PDE2A: variants seen among roughly 807,000 people sequenced by gnomAD.
PDE2A encodes the protein cGMP-dependent 3',5'-cyclic phosphodiesterase.
In PDE2A, 53 loss-of-function variants were observed where a neutral mutation model predicts 133.6. That is an observed-to-expected ratio of 0.40 (90% confidence interval 0.32 to 0.50). The LOEUF (loss-of-function observed/expected upper bound fraction) is 0.50, where lower values mean the gene tolerates loss of function less well. Ranked by LOEUF, PDE2A falls within the 20% of genes least tolerant of loss-of-function variation. PDE2A has a pLI of 0.73. For missense variants in PDE2A, 796 were observed against 1,232.4 expected (o/e 0.65, Z 5.30); for synonymous variants, 491 against 490.2 (o/e 1.00, Z -0.02).
chr11:72,601,078 G>A (rs1411629642), intron 4 of PDE2A, among the ~76,000 whole-genome samples: 2 of 141,814 alleles, frequency 1.4e-5, no homozygotes, highest in African/African-American at 5.4e-5. Context: ...GCATCAGTAA[G>A]CAGCCAAGCC....
chr11:72,659,655 G>C (rs1319977005), intron 1 of PDE2A, among the ~76,000 whole-genome samples: 1 of 152,110 alleles, frequency 6.6e-6, no homozygotes, highest in Non-Finnish European at 1.5e-5. Flanking sequence ...CTATAGAGTG[G>C]GGTTTATGGC....
In PDE2A at chr11:72,586,061, G is replaced by T; in HGVS notation, c.1182+9C>A. 1.3e-6 allele frequency: 2 copies of T among 1,536,552 alleles called. No homozygotes were observed. The highest frequency in any genetic ancestry group is 1.8e-6 in the Non-Finnish European group (2 of 1,114,496). ...GGTGCCCGAGAGAGGCTGAAGGCAG[G>T]TCACTCACCTGGCACTCACACTTGA... On this transcript the variant is annotated intron_variant, in intron 14 of 30. Transcript: ENST00000334456.
At chr11:72,666,098 T>C (rs1318600518) in intron 1 of PDE2A, among the ~76,000 whole-genome samples, 2 of 151,962 alleles carry the variant, frequency 1.3e-5, no homozygotes, top group Non-Finnish European at 2.9e-5. Context: ...TGGTAAAAAC[T>C]TCAAAGGCAG....
chr11:72,624,105 T>C (rs969665176), intron 2 of PDE2A, among the ~76,000 whole-genome samples: 4 of 151,780 alleles, frequency 2.6e-5, no homozygotes, highest in African/African-American at 9.7e-5. Context: ...GATTCTCCTG[T>C]CTCAACCTCC....
At chr11:72,608,162 AAAGGCTGCTAG>A (rs1857052429) in intron 3 of PDE2A, among the ~76,000 whole-genome samples, 1 of 152,096 alleles carries the variant, frequency 6.6e-6, no homozygotes, top group South Asian at 2.1e-4. Flanking sequence ...AAAGCTGCTA[AAAGGCTGCTAG>A]AGGCCATTTT....
chr11:72,668,953 C>A (rs1451852476), intron 1 of PDE2A: 1 of 1,004,162 alleles, frequency 1.0e-6, no homozygotes, highest in Non-Finnish European at 1.2e-6. Flanking sequence ...CCAGGCCCCG[C>A]TAAATCTTTC....
chr11:72,617,509 G>A (rs1857533943), intron 2 of PDE2A, among the ~76,000 whole-genome samples: 1 of 152,218 alleles, frequency 6.6e-6, no homozygotes, highest in Non-Finnish European at 1.5e-5. Context: ...TCTGTGCTCT[G>A]CGGCATGTGT....
intron 7 of PDE2A, 26 bp downstream of exon 7, chr11:72,591,271 T>C (rs1365701452): frequency 6.3e-7 from 1 of 1,596,970 alleles, no homozygotes; most frequent in Non-Finnish European, 8.6e-7. Flanking sequence ...TTCAGCCTCA[T>C]TGCACATGGC....
At position 72,598,957 on chromosome 11, in the gene PDE2A, C is replaced by T. The variant is rs1261235469; in HGVS notation, c.324-1338G>A. The stretch of plus-strand genomic sequence containing the variant: ...CCAGTCACCCCGGGAAGGAGAGGGA[C>T]GTAGGGTGGCAGGAGGGCAACGGGA... On this transcript the variant is annotated intron_variant, in intron 4 of 30. Coordinates refer to ENST00000334456, the MANE Select transcript of PDE2A (RefSeq NM_002599.5). The T allele has an allele frequency of 1.4e-5, 14 of 985,244 alleles. No homozygotes were observed. In the South Asian group the frequency reaches 1.9e-4, roughly 13 times the overall value. The allele number at this position is 985,244 out of a possible 1,614,324, so 61.0% of individuals were successfully genotyped here.
chr11:72,623,518 C>T (rs947979695), intron 2 of PDE2A, among the ~76,000 whole-genome samples: 4 of 152,080 alleles, frequency 2.6e-5, no homozygotes, highest in Non-Finnish European at 2.9e-5. Context: ...CCATGCCTGT[C>T]GACTCCCAGA....
intron 1 of PDE2A, among the ~76,000 whole-genome samples, chr11:72,652,034 ATGGTGGCCT>A (rs1937677758): frequency 6.6e-6 from 1 of 152,184 alleles, no homozygotes; most frequent in African/African-American, 2.4e-5. Flanking sequence ...CTGTGTGGCC[ATGGTGGCCT>A]TGGTGGGCAG....
intron 2 of PDE2A, among the ~76,000 whole-genome samples, chr11:72,639,758 A>G (rs981195799): frequency 6.6e-6 from 1 of 152,192 alleles, no homozygotes; most frequent in African/African-American, 2.4e-5. Context: ...TGGTCAAGGC[A>G]AGGAGGATGA....
intron 11 of PDE2A, 97 bp from the exon 12 acceptor site, chr11:72,589,337 C>A (rs1414135399): frequency 2.2e-6 from 2 of 890,034 alleles, no homozygotes; most frequent in South Asian, 1.4e-5. Context: ...TTCAAAGAAC[C>A]CTTCAGTCAG....
At chr11:72,622,605 A>G (rs933155646) in intron 2 of PDE2A, among the ~76,000 whole-genome samples, 2 of 152,244 alleles carry the variant, frequency 1.3e-5, no homozygotes, top group Non-Finnish European at 2.9e-5. Context: ...AAAAAGACAG[A>G]TACTACATTA....
At chr11:72,587,493 C>T (rs1856029255) in intron 13 of PDE2A, among the ~76,000 whole-genome samples, 1 of 152,172 alleles carries the variant, frequency 6.6e-6, no homozygotes, top group Non-Finnish European at 1.5e-5. Context: ...CACCAAGGCC[C>T]CATCCTTATT....
In PDE2A at chr11:72,590,329, G is replaced by A. The variant is rs781445347; in HGVS notation, c.704-85C>T. ...CTCAGGCGCCGCTCAGCTCCGCGCC[G>A]GGCCCGCCGCCGGCTCCCGGGATCG... is the stretch of plus-strand genomic sequence containing the variant. On this transcript the variant is annotated intron_variant, in intron 8 of 30. Transcript: ENST00000334456. This position sits in a 1 kb window ranked among gnomAD's most constrained non-coding sequence, Gnocchi z 4.8. 6.5e-6 allele frequency: 10 copies of A among 1,537,298 alleles called. No homozygotes were observed. The highest frequency in any genetic ancestry group is 1.2e-5 in the South Asian group (1 of 83,690).
chr11:72,660,810 G>C (rs148300186), intron 1 of PDE2A, among the ~76,000 whole-genome samples: 1 of 151,940 alleles, frequency 6.6e-6, no homozygotes, highest in Non-Finnish European at 1.5e-5. Context: ...TTCACTGCAC[G>C]TAGAAGTAGG....
intron 2 of PDE2A, among the ~76,000 whole-genome samples, chr11:72,633,595 A>T (rs1466511194): frequency 6.6e-6 from 1 of 152,056 alleles, no homozygotes; most frequent in Non-Finnish European, 1.5e-5. Context: ...GCTGGGATTT[A>T]TGGACCCCGT....
chr11:72,660,698 C>T (rs1855028166), intron 1 of PDE2A, among the ~76,000 whole-genome samples: 1 of 152,160 alleles, frequency 6.6e-6, no homozygotes, highest in Admixed American at 6.5e-5. Context: ...TGCTCCCAAG[C>T]ACGTCCCTCC....
Sources: gnomAD v4.1 joint callset for allele counts (sites outside exome capture counted in the v4.1 genomes callset) on GRCh38, gnomAD v4.1.1 for gene constraint, Gnocchi (gnomAD v3.1) non-coding constraint, MANE v1.5 for transcripts, NCBI Gene and HGNC (gene_info 2026-07-23, HGNC 2026-07-21) for gene names.